NOX4: variants seen among roughly 807,000 people sequenced by gnomAD.
NOX4 encodes kidney oxidase-1.
Under a neutral mutation model 87.6 loss-of-function variants are expected in NOX4, and 69 were observed. That is an observed-to-expected ratio of 0.79 (90% CI 0.65 to 0.96). The LOEUF (loss-of-function observed/expected upper bound fraction) is 0.96. Ranked by LOEUF, NOX4 falls within the 40% of genes least tolerant of loss-of-function variation. The probability of loss-of-function intolerance (pLI) is 0.00; values close to 1 mark genes in which losing one functional copy is unlikely to be tolerated. For missense variants in NOX4, 680 were observed against 681.5 expected, an observed-to-expected ratio of 1.00 and a Z score of 0.02; for synonymous variants, 275 against 238.2, an observed-to-expected ratio of 1.15 and a Z score of -1.42.
chr11:89,425,276 C>T (rs1183011025), intron 7 of NOX4, among the ~76,000 whole-genome samples: 1 of 151,698 alleles, frequency 6.6e-6, no homozygotes, highest in Non-Finnish European at 1.5e-5. Context: ...ATTTTTCATT[C>T]TTATGAAAAG....
At chr11:89,340,772 A>C (rs1945954052) in intron 14 of NOX4, among the ~76,000 whole-genome samples, 1 of 152,220 alleles carries the variant, frequency 6.6e-6, no homozygotes, top group African/African-American at 2.4e-5. Context: ...GAGGTTAAGA[A>C]AATTTTCTTC....
the NOX4 span, among the ~76,000 whole-genome samples, chr11:89,554,315 T>C: frequency 6.6e-6 from 1 of 152,140 alleles, no homozygotes; most frequent in African/African-American, 2.4e-5. Flanking sequence ...TATCATAAAC[T>C]ACCTTCACAT....
At chr11:89,514,643 G>A in the NOX4 span, among the ~76,000 whole-genome samples, 3 of 151,808 alleles carry the variant, frequency 2.0e-5, no homozygotes, top group East Asian at 5.8e-4. Context: ...GTGCCCTTAA[G>A]TTGAGGGTTT....
chr11:89,377,053 G>C (rs1371710140), intron 11 of NOX4, among the ~76,000 whole-genome samples: 1 of 152,060 alleles, frequency 6.6e-6, no homozygotes, highest in Non-Finnish European at 1.5e-5. Context: ...GTGAGATTCT[G>C]TCTCAAAATA....
intron 2 of NOX4, among the ~76,000 whole-genome samples, chr11:89,476,695 G>A (rs1299820176): frequency 2.6e-5 from 4 of 152,108 alleles, no homozygotes; most frequent in Non-Finnish European, 5.9e-5. Context: ...GCTATTTGAA[G>A]CAGCAGGATA....
At chr11:89,534,356 A>C in the NOX4 span, among the ~76,000 whole-genome samples, 1 of 152,174 alleles carries the variant, frequency 6.6e-6, no homozygotes, top group East Asian at 1.9e-4. Context: ...CCTTGTAGAC[A>C]TTTCTGAGTC....
chr11:89,402,093 A>G (rs1433937020), intron 9 of NOX4, among the ~76,000 whole-genome samples: 1 of 152,124 alleles, frequency 6.6e-6, no homozygotes. Flanking sequence ...TGTTGTATGC[A>G]AAGGTCATAT....
intron 7 of NOX4, among the ~76,000 whole-genome samples, chr11:89,426,220 T>C (rs1395107518): frequency 1.3e-5 from 2 of 152,090 alleles, no homozygotes; most frequent in African/African-American, 4.8e-5. Flanking sequence ...ATCAGGAAAA[T>C]AGCTTTAAAA....
intron 2 of NOX4, among the ~76,000 whole-genome samples, chr11:89,464,141 C>G (rs1945581662): frequency 6.6e-6 from 1 of 152,010 alleles, no homozygotes. Context: ...CATTGTCTAA[C>G]TATGTATTGC....
chr11:89,537,173 C>T, the NOX4 span, among the ~76,000 whole-genome samples: 1 of 152,084 alleles, frequency 6.6e-6, no homozygotes, highest in Non-Finnish European at 1.5e-5. Flanking sequence ...CAGAATGTAA[C>T]ATGTTGGAAG....
intron 12 of NOX4, among the ~76,000 whole-genome samples, chr11:89,369,434 G>T (rs1347450376): frequency 1.3e-5 from 2 of 152,066 alleles, no homozygotes; most frequent in South Asian, 4.1e-4. Flanking sequence ...TAAGAGCGGA[G>T]ACTTTGTCAC....
intron 17 of NOX4, among the ~76,000 whole-genome samples, chr11:89,328,077 C>T (rs1460511519): frequency 2.6e-5 from 4 of 152,082 alleles, no homozygotes; most frequent in Admixed American, 6.6e-5. Flanking sequence ...GGTGACTACA[C>T]TGAGGAGACA....
the NOX4 span, among the ~76,000 whole-genome samples, chr11:89,535,769 A>G: frequency 6.6e-6 from 1 of 152,236 alleles, no homozygotes; most frequent in African/African-American, 2.4e-5. Flanking sequence ...AAACTTTTTG[A>G]AATTAGATAA....
At chr11:89,575,739 C>T in the NOX4 span, among the ~76,000 whole-genome samples, 1 of 151,898 alleles carries the variant, frequency 6.6e-6, no homozygotes, top group Non-Finnish European at 1.5e-5. Flanking sequence ...TTTTCCTTCT[C>T]CCTCTCTTCC....
At chr11:89,540,991 C>T in the NOX4 span, among the ~76,000 whole-genome samples, 4 of 151,834 alleles carry the variant, frequency 2.6e-5, no homozygotes, top group African/African-American at 9.7e-5. Flanking sequence ...CAACAAAGTA[C>T]TTTACATTTT....
chr11:89,339,159 C>A (rs1251312755), intron 15 of NOX4, among the ~76,000 whole-genome samples: 2 of 152,018 alleles, frequency 1.3e-5, no homozygotes, highest in African/African-American at 2.4e-5. Context: ...TTTCAGCATT[C>A]TTTGTAATAA....
At chr11:89,488,229 A>C (rs1003773279) in intron 2 of NOX4, among the ~76,000 whole-genome samples, 1 of 151,942 alleles carries the variant, frequency 6.6e-6, no homozygotes, top group Admixed American at 6.6e-5. Context: ...TCTGTTTCTT[A>C]TCCTTTATGC....
chr11:89,393,168 G>A (rs189909111), intron 11 of NOX4, among the ~76,000 whole-genome samples: 1 of 152,174 alleles, frequency 6.6e-6, no homozygotes, highest in Non-Finnish European at 1.5e-5. Context: ...CACAGTGGGG[G>A]ATACTATTGG....
At chr11:89,424,142 T>C (rs1192712457) in intron 7 of NOX4, among the ~76,000 whole-genome samples, 1 of 151,912 alleles carries the variant, frequency 6.6e-6, no homozygotes, top group Non-Finnish European at 1.5e-5. Flanking sequence ...TTCAAATCTC[T>C]ACATATTTCT....
Sources: gnomAD v4.1 joint callset for allele counts (sites outside exome capture counted in the v4.1 genomes callset) on GRCh38, gnomAD v4.1.1 for gene constraint, MANE v1.5 for transcripts, NCBI Gene and HGNC (gene_info 2026-07-23, HGNC 2026-07-21) for gene names.